CAPN7: variants seen among roughly 807,000 people sequenced by gnomAD.
CAPN7 encodes calpain-7.
In CAPN7, 72 loss-of-function variants were observed where a neutral mutation model predicts 115.2. The ratio of observed to expected loss-of-function variants is 0.63; its 90% CI spans 0.52 to 0.76. The LOEUF is 0.76. Among genes scored for constraint, CAPN7 ranks in the 30% least tolerant of loss-of-function variants. CAPN7 has a pLI of 0.00. For missense variants in CAPN7, 905 were observed against 971.5 expected (o/e 0.93, Z 0.91); for synonymous variants, 344 against 322.3 (o/e 1.07, Z -0.72).
chr3:15,226,272 C>T (rs1694310999), intron 6 of CAPN7, among the ~76,000 whole-genome samples: 2 of 152,092 alleles, frequency 1.3e-5, no homozygotes, highest in Admixed American at 6.5e-5. Context: ...CTGGGTTTCA[C>T]CATGTTGTCT....
chr3:15,231,534 CTTTT>C, intron 9 of CAPN7, among the ~76,000 whole-genome samples: 1 of 145,514 alleles, frequency 6.9e-6, no homozygotes, highest in East Asian at 2.0e-4. Context: ...TCTGAGAACA[CTTTT>C]TTTTTTTTTG....
chr3:15,219,127 C>T (rs1575173095), intron 4 of CAPN7, among the ~76,000 whole-genome samples: 1 of 152,198 alleles, frequency 6.6e-6, no homozygotes, highest in East Asian at 1.9e-4. Context: ...ACCTTCATCC[C>T]CCAGATGTAA....
Position 15,206,447 on chromosome 3 carries a change from G to A in CAPN7, c.-49G>A. The A allele has an allele frequency of 7.1e-7, 1 of 1,408,896 alleles. No homozygotes were observed. 87.3% of individuals were successfully genotyped at this position (1,408,896 alleles called of 1,614,324 possible). Reference sequence around the variant, plus strand: ...GGGCCGCCGCAGTCCGCGAAGAGCCGTCCTGCGTCAGGGCCTCCTTCCCTG... The same window carrying A: ...GGGCCGCCGCAGTCCGCGAAGAGCCATCCTGCGTCAGGGCCTCCTTCCCTG... On this transcript the variant is annotated 5_prime_UTR_variant, in exon 1 of 21. Coordinates refer to ENST00000253693, the MANE Select transcript of CAPN7 (RefSeq NM_014296.3).
chr3:15,206,633 C>T (rs2044640177), intron 1 of CAPN7, 36 bp downstream of exon 1: 2 of 1,465,414 alleles, frequency 1.4e-6, no homozygotes, highest in Non-Finnish European at 1.9e-6. Context: ...CGGAGTTGCT[C>T]AGTCGGAGTG....
intron 2 of CAPN7, among the ~76,000 whole-genome samples, chr3:15,213,299 C>T (rs1191398277): frequency 2.0e-5 from 3 of 152,034 alleles, no homozygotes; most frequent in Non-Finnish European, 4.4e-5. Flanking sequence ...CTTGTTTTTT[C>T]ATAGATAGTT....
chr3:15,245,636 T>C lies in CAPN7; in HGVS notation c.1975T>C (p.Tyr659His), dbSNP rs1178952544. Residue 659 changes from tyrosine to histidine, a missense_variant, in exon 17 of 21, where the codon TAT becomes CAT. Tyr to His is a moderately conservative substitution (Grantham distance 83). Coordinates refer to ENST00000253693, the MANE Select transcript of CAPN7 (RefSeq NM_014296.3). ...THTFTLVVSQ[Y>H]EKQNTIHYTV... is the part of the protein sequence containing the mutation. ...TACCTTTACATTAGTGGTTTCTCAA[T>C]ATGAAAAACAGAACACAATCCATTA... is the stretch of plus-strand genomic sequence containing the variant. 8.7e-6 allele frequency: 14 copies of C among 1,613,686 alleles called. No individual in the cohort carries two copies. In the East Asian group the frequency reaches 3.1e-4, roughly 36 times the overall value.
At position 15,232,712 on chromosome 3, in the gene CAPN7, T is replaced by C. The variant is rs998005582; in HGVS notation, c.1179+47T>C. ...CCAGACACAGATTTAAGCTATCTAATATAACTGTTTTAAATTTGAAAAATT... is the reference window on the plus strand; with the variant it reads ...CCAGACACAGATTTAAGCTATCTAACATAACTGTTTTAAATTTGAAAAATT... On this transcript the variant is annotated intron_variant, in intron 10 of 20. Coordinates refer to ENST00000253693, the MANE Select transcript of CAPN7 (RefSeq NM_014296.3). 2.0e-6 allele frequency: 3 copies of C among 1,475,996 alleles called. No homozygotes were observed. The African/African-American group carries it at 4.4e-5, about 21-fold the overall frequency. 91.4% of individuals were successfully genotyped at this position (1,475,996 alleles called of 1,614,324 possible).
intron 18 of CAPN7, chr3:15,247,101 A>G (rs1391235591): frequency 1.8e-6 from 1 of 564,236 alleles, no homozygotes; most frequent in Non-Finnish European, 3.1e-6. Context: ...ATTCTATGGA[A>G]AATTCCTGGT....
At chr3:15,206,848 A>G (rs1452810269) in intron 1 of CAPN7, among the ~76,000 whole-genome samples, 2 of 152,246 alleles carry the variant, frequency 1.3e-5, no homozygotes, top group African/African-American at 4.8e-5. Context: ...GCAAATGCCC[A>G]CCGTTGAGCC....
chr3:15,246,665 A>G (rs1365935611), intron 17 of CAPN7, 67 bp from the exon 18 acceptor site: 1 of 1,120,382 alleles, frequency 8.9e-7, no homozygotes, highest in African/African-American at 1.5e-5. Context: ...CTTCCAATAT[A>G]TTCATGTATC....
chr3:15,241,664 A>G lies in CAPN7; in HGVS notation c.1788+76A>G, dbSNP rs988285087. On this transcript the variant is annotated intron_variant, in intron 15 of 20. Coordinates refer to ENST00000253693, the MANE Select transcript of CAPN7 (RefSeq NM_014296.3). ...TTAGAACATTGTGAAAGACATACGTAAACACCAGCCTGTTTAATTTACATA... is the reference window on the plus strand; with the variant it reads ...TTAGAACATTGTGAAAGACATACGTGAACACCAGCCTGTTTAATTTACATA... 2.4e-6 allele frequency: 3 copies of G among 1,264,192 alleles called. No individual in the cohort carries two copies. In the African/African-American group the frequency reaches 4.5e-5, roughly 19 times the overall value. 78.3% of individuals were successfully genotyped at this position (1,264,192 alleles called of 1,614,324 possible).
chr3:15,238,283 T>A (rs546403021), intron 12 of CAPN7, among the ~76,000 whole-genome samples: 1 of 151,664 alleles, frequency 6.6e-6, no homozygotes, highest in East Asian at 1.9e-4. Context: ...CCCGGCCAAT[T>A]TTTTATATTT....
Position 15,240,593 on chromosome 3 carries a change from C to T in CAPN7, c.1528C>T (p.Arg510Ter), listed in dbSNP as rs529522338. 17 of 1,604,446 alleles carry T rather than the reference C, an allele frequency of 1.1e-5. No individual in the cohort carries two copies. The highest frequency in any genetic ancestry group is 2.3e-5 in the South Asian group (2 of 88,800). ...GCAAAAGTATTTAAACTTTGATCCC[C>T]GAACAGCTCAGAAAATAGACAACGG... The part of the protein sequence containing the change: ...ELQKYLNFDP[R>*]TAQKIDNGIF... Residue 510 changes from arginine (R) to a stop codon, truncating the protein, a stop_gained, in exon 13 of 21, where the codon CGA becomes TGA. Coordinates refer to ENST00000253693, the MANE Select transcript of CAPN7 (RefSeq NM_014296.3). LOFTEE classifies it high-confidence loss of function.
chr3:15,223,056 T>C (rs3773475), intron 5 of CAPN7, among the ~76,000 whole-genome samples: 63,254 of 152,184 alleles, frequency 0.42, 17,408 homozygotes, highest in African/African-American at 0.78. Context: ...CACTTCCTTC[T>C]TCCACTACCC....
intron 1 of CAPN7, among the ~76,000 whole-genome samples, chr3:15,211,222 A>G (rs2044924047): frequency 6.6e-6 from 1 of 152,042 alleles, no homozygotes; most frequent in South Asian, 2.1e-4. Context: ...TCTTTTCTTG[A>G]TAATTTTATT....
intron 1 of CAPN7, among the ~76,000 whole-genome samples, chr3:15,209,884 C>T (rs1288921127): frequency 6.6e-6 from 1 of 152,156 alleles, no homozygotes. Context: ...TAAGCTTCAT[C>T]AGTTTAGTAT....
chr3:15,208,222 T>G (rs2044740398), intron 1 of CAPN7, among the ~76,000 whole-genome samples: 2 of 152,200 alleles, frequency 1.3e-5, no homozygotes, highest in South Asian at 4.1e-4. Context: ...TTTTTTTTTT[T>G]TTTACAAACT....
chr3:15,247,641 GT>G (rs1269373035), intron 19 of CAPN7, among the ~76,000 whole-genome samples, 184 bp downstream of exon 19: 1 of 152,130 alleles, frequency 6.6e-6, no homozygotes, highest in African/African-American at 2.4e-5. Flanking sequence ...GTATCCATGT[GT>G]AAAAAGGGTA....
At chr3:15,210,170 T>G (rs2044850753) in intron 1 of CAPN7, among the ~76,000 whole-genome samples, 2 of 121,856 alleles carry the variant, frequency 1.6e-5, no homozygotes, top group Admixed American at 1.5e-4. Flanking sequence ...CTGGCTAATT[T>G]TTTTTTTTTC....
Sources: gnomAD v4.1 joint callset for allele counts (sites outside exome capture counted in the v4.1 genomes callset) on GRCh38, gnomAD v4.1.1 for gene constraint, MANE v1.5 for transcripts, NCBI Gene and HGNC (gene_info 2026-07-23, HGNC 2026-07-21) for gene names.